Variants in MASTL observed in about 807,000 individuals in gnomAD.
MASTL encodes the protein microtubule associated serine/threonine kinase like.
In MASTL, 54 loss-of-function variants were observed where a neutral mutation model predicts 82.5. The observed-to-expected ratio is 0.65, with a 90% CI of 0.53 to 0.82. MASTL has a LOEUF of 0.82. MASTL is among the 40% of genes least tolerant of loss of function. The pLI is 0.00. For synonymous variants in MASTL, 323 were observed against 368.9 expected (o/e 0.88, Z 1.43); for missense variants, 950 against 1,047.8 (o/e 0.91, Z 1.29).
chr10:27,186,297 T>C, intron 11 of MASTL, 82 bp from the exon 12 acceptor site: 1 of 1,342,488 alleles, frequency 7.4e-7, no homozygotes, highest in Non-Finnish European at 1.1e-6. Context: ...ATGTGAGACA[T>C]TCTCTTTTTA....
At chr10:27,163,953 A>ATTTT (rs2057659768) in intron 4 of MASTL, among the ~76,000 whole-genome samples, 1 of 121,782 alleles carries the variant, frequency 8.2e-6, no homozygotes, top group Non-Finnish European at 1.8e-5. Context: ...ATTTATTTTG[A>ATTTT]GAGAGAGTCT....
At position 27,155,591 on chromosome 10, in the gene MASTL, C is replaced by T. The variant is rs1405247662; in HGVS notation, c.165C>T (p.Gly55=). Residue 55 remains glycine (G), a synonymous_variant, in exon 1 of 12, where the codon GGC becomes GGT. Coordinates refer to ENST00000375940, the MANE Select transcript of MASTL (RefSeq NM_001172303.3). ...GGAAAGTGTATCTGGGGCAGAAAGGCGGCAAATTGTATGCAGTAAAGGTAG... is the reference window on the plus strand; with the variant it reads ...GGAAAGTGTATCTGGGGCAGAAAGGTGGCAAATTGTATGCAGTAAAGGTAG... ...AFGKVYLGQK[G]GKLYAVKVVK... 1.9e-6 allele frequency: 3 copies of T among 1,614,162 alleles called. No individual in the cohort carries two copies. The highest frequency in any genetic ancestry group is 3.3e-5 in the Admixed American group (2 of 60,028).
chr10:27,161,304 T>TAA (rs1238167664), intron 4 of MASTL, 122 bp downstream of exon 4: 11 of 638,912 alleles, frequency 1.7e-5, no homozygotes, highest in Admixed American at 1.0e-4. Context: ...GGTCAGGAGT[T>TAA]AGAGACCAGC....
rs764915022 is a variant in MASTL at position 27,173,100 on chromosome 10, AAACCCTTTTTG to A, written c.2125-15_2125-5del. 2 of 1,613,918 alleles carry A rather than the reference AAACCCTTTTTG, an allele frequency of 1.2e-6. No homozygotes were observed. Among genetic ancestry groups the A allele is most frequent in the East Asian group, 4.5e-5 (2 of 44,888 alleles). On this transcript the variant is annotated splice_region_variant and splice_polypyrimidine_tract_variant and intron_variant, in intron 8 of 11. Coordinates refer to ENST00000375940, the MANE Select transcript of MASTL (RefSeq NM_001172303.3). ...GGAATTAAGATATTTGTTATCTCTT[AAACCCTTTTTG>A]AATTAGCAGACCCCAAATCAGATCA...
In MASTL at chr10:27,169,897, G is replaced by GA. The variant is rs777229497; in HGVS notation, c.985-45dup. On this transcript the variant is annotated intron_variant, in intron 7 of 11. Transcript: ENST00000375940. ...AACGGACCATAGTTAAAAGGTCAAT[G>GA]AATCTCAGCTTTATATAACTAAAAC... is the stretch of plus-strand genomic sequence containing the variant. 2.5e-6 allele frequency: 4 copies of GA among 1,591,562 alleles called. No individual in the cohort carries two copies. In the South Asian group the frequency reaches 3.3e-5, roughly 13 times the overall value.
intron 1 of MASTL, among the ~76,000 whole-genome samples, chr10:27,155,977 G>T (rs1435351378): frequency 6.6e-6 from 1 of 152,186 alleles, no homozygotes; most frequent in African/African-American, 2.4e-5. Context: ...GCCGTGATTC[G>T]TAGTCTCACC....
chr10:27,170,818 C>G lies in MASTL; in HGVS notation c.1859C>G (p.Pro620Arg). 1 of 1,614,132 alleles carries G rather than the reference C, an allele frequency of 6.2e-7. No homozygotes were observed. Among genetic ancestry groups the G allele is most frequent in the South Asian group, 1.1e-5 (1 of 91,086 alleles). The part of the protein sequence containing the change: ...VTPDCQEKTS[P>R]KGVENPAVQE... ...CCAGATTGCCAAGAAAAGACCTCAC[C>G]AAAAGGTGTCGAGAACCCTGCTGTA... The change falls in exon 8 of 12, where the codon CCA becomes CGA. Residue 620 changes from proline to arginine, a missense_variant. Pro to Arg is a moderately radical substitution (Grantham distance 103). Coordinates refer to ENST00000375940, the MANE Select transcript of MASTL (RefSeq NM_001172303.3).
chr10:27,165,445 G>C lies in MASTL; in HGVS notation c.717G>C (p.Leu239=). The change falls in exon 6 of 12, where the codon CTG becomes CTC. Residue 239 remains leucine (L), a synonymous_variant. Transcript: ENST00000375940. The stretch of plus-strand genomic sequence containing the variant: ...CTGCAAACATCCTTTCAGCCTGTCT[G>C]TCTGAAACATCACAGCTTTCTCAAG... The part of the protein sequence containing the change: ...QDPANILSAC[L]SETSQLSQGL... 6.2e-7 allele frequency: 1 copy of C among 1,614,158 alleles called. No homozygotes were observed. The highest frequency in any genetic ancestry group is 8.5e-7 in the Non-Finnish European group (1 of 1,180,022).
At chr10:27,157,923 C>T (rs569909204) in intron 1 of MASTL, among the ~76,000 whole-genome samples, 2 of 151,762 alleles carry the variant, frequency 1.3e-5, no homozygotes, top group East Asian at 3.9e-4. Flanking sequence ...TATCTGTGGG[C>T]TTATGAGGAA....
chr10:27,171,114 T>C (rs772041607), intron 8 of MASTL, 31 bp downstream of exon 8: 1 of 1,589,600 alleles, frequency 6.3e-7, no homozygotes, highest in Non-Finnish European at 8.6e-7. Flanking sequence ...TACTGTTTTT[T>C]GGATTTTAGA....
chr10:27,158,183 G>A (rs2057455982), intron 1 of MASTL, among the ~76,000 whole-genome samples: 1 of 152,146 alleles, frequency 6.6e-6, no homozygotes, highest in African/African-American at 2.4e-5. Flanking sequence ...CTCTCTGTTA[G>A]CGTTTTCATG....
Position 27,181,555 on chromosome 10 carries a change from A to T in MASTL, c.2456A>T (p.Asp819Val), listed in dbSNP as rs750563728. The change falls in exon 11 of 12, where the codon GAT becomes GTT. Residue 819 changes from aspartate to valine, a missense_variant. By Grantham distance (152) the Asp-to-Val change is radical (BLOSUM62 -3). Transcript: ENST00000375940. ...QSAVEILLTI[D>V]DTKRAGMKEL... The stretch of plus-strand genomic sequence containing the variant: ...GCAGTAGAAATACTTTTAACCATTG[A>T]TGATACAAAGAGAGCTGGAATGAAA... The T allele has an allele frequency of 1.2e-6, 2 of 1,611,866 alleles. No individual in the cohort carries two copies. The highest frequency in any genetic ancestry group is 2.2e-5 in the South Asian group (2 of 91,044).
At chr10:27,155,144 T>C (rs2057307049), upstream of MASTL, 2 of 439,928 alleles carry the variant, frequency 4.5e-6, no homozygotes, top group Admixed American at 3.9e-5. Flanking sequence ...AGTCGTCCTT[T>C]TTCTGGTCGG....
rs762305399 is a variant in MASTL, at chr10:27,171,040, C to G, written c.2081C>G (p.Ala694Gly). 2.5e-6 allele frequency: 4 copies of G among 1,614,026 alleles called. No homozygotes were observed. The highest frequency in any genetic ancestry group is 3.4e-6 in the Non-Finnish European group (4 of 1,179,954). ...SCAYSGSYPM[A>G]ITPTQKRRSC... The stretch of plus-strand genomic sequence containing the variant: ...GCCTACAGTGGTTCATATCCCATGG[C>G]TATAACCCCTACTCAAAAAAGAAGA... The change falls in exon 8 of 12, where the codon GCT becomes GGT. Residue 694 changes from alanine (A) to glycine (G), a missense_variant. Ala to Gly is a moderately conservative substitution (Grantham distance 60). Transcript: ENST00000375940.
At position 27,159,255 on chromosome 10, in the gene MASTL, T is replaced by G. The variant is rs571300892; in HGVS notation, c.325-364T>G. Among the ~76,000 whole-genome samples, 8 of 152,146 alleles carry G rather than the reference T, an allele frequency of 5.3e-5. No individual in the cohort carries two copies. In the South Asian group the frequency reaches 1.7e-3, roughly 32 times the overall value. Reference sequence around the variant, plus strand: ...CTGAGATTACAGGCCCAGCTAATTTTTTGTATAAATTAGCTGCCACCAGGC... The same window carrying G: ...CTGAGATTACAGGCCCAGCTAATTTGTTGTATAAATTAGCTGCCACCAGGC... On this transcript the variant is annotated intron_variant, in intron 2 of 11. Transcript: ENST00000375940. This position sits in a 1 kb window ranked among gnomAD's most constrained non-coding sequence, Gnocchi z 4.0.
At position 27,169,955 on chromosome 10, in the gene MASTL, A is replaced by G. The variant is rs370895860; in HGVS notation, c.996A>G (p.Glu332=). The change falls in exon 8 of 12, where the codon GAA becomes GAG. Residue 332 remains glutamate (E), a synonymous_variant. Coordinates refer to ENST00000375940, the MANE Select transcript of MASTL (RefSeq NM_001172303.3). ...KWEKDCQESD[E]ALGPTMMSWN... ...TTTTTCCCTCTTAGGAAAGTGATGAAGCATTGGGCCCAACAATGATGAGTT... is the reference window on the plus strand; with the variant it reads ...TTTTTCCCTCTTAGGAAAGTGATGAGGCATTGGGCCCAACAATGATGAGTT... 36 of 1,614,128 alleles carry G rather than the reference A, an allele frequency of 2.2e-5. No individual in the cohort carries two copies. The highest frequency in any genetic ancestry group is 2.9e-5 in the Non-Finnish European group (34 of 1,180,018).
chr10:27,157,109 T>C (rs1015263797), intron 1 of MASTL, among the ~76,000 whole-genome samples: 2 of 152,124 alleles, frequency 1.3e-5, no homozygotes, highest in African/African-American at 4.8e-5. Flanking sequence ...GGCCTTATGC[T>C]GGTTCCTTTT....
In MASTL at chr10:27,186,738, A is replaced by G; in HGVS notation, c.*202A>G. On this transcript the variant is annotated 3_prime_UTR_variant, in exon 12 of 12. Transcript: ENST00000375940. ...TAATTTATCTTAACCTCAAAACTGTATATAAATCTTCAAAGCTTTTTTCAT... is the reference window on the plus strand; with the variant it reads ...TAATTTATCTTAACCTCAAAACTGTGTATAAATCTTCAAAGCTTTTTTCAT... 5.2e-6 allele frequency: 3 copies of G among 580,786 alleles called. No homozygotes were observed. Among genetic ancestry groups the G allele is most frequent in the Non-Finnish European group, 6.1e-6 (2 of 328,024 alleles). The allele number at this position is 580,786 out of a possible 1,614,324, so 36.0% of individuals were successfully genotyped here. A position where few individuals can be genotyped will look rare whatever the true frequency, so the allele number is the denominator to read the frequency against.
In MASTL at chr10:27,163,641, G is replaced by A. The variant is rs146334653; in HGVS notation, c.554-1423G>A. On this transcript the variant is annotated intron_variant, in intron 4 of 11. Coordinates refer to ENST00000375940, the MANE Select transcript of MASTL (RefSeq NM_001172303.3). ...TTATTTGTTTTTTTTTTTTTTCTTT[G>A]AGACAGAGTCTCGCTTTGTTGCCCG... is the stretch of plus-strand genomic sequence containing the variant. Among the ~76,000 whole-genome samples the A allele has an allele frequency of 2.0e-3, 260 of 132,340 alleles. 1 individual carries two copies. Among genetic ancestry groups the A allele is most frequent in the African/African-American group, 7.0e-3 (244 of 34,710 alleles). 86.8% of individuals were successfully genotyped at this position (132,340 alleles called of 152,430 possible).
Sources: allele counts gnomAD v4.1 joint callset (sites outside exome capture counted in the v4.1 genomes callset), GRCh38; gene constraint gnomAD v4.1.1; non-coding constraint Gnocchi (gnomAD v3.1); transcripts MANE v1.5; gene names NCBI Gene and HGNC (gene_info 2026-07-23, HGNC 2026-07-21).